The following SEMA4F variants were observed in gnomAD, a reference collection of about 807,000 sequenced individuals.
SEMA4F encodes the protein ssemaphorin 4F, also known as semaphorin-4F.
In SEMA4F, 51 loss-of-function variants were observed where a neutral mutation model predicts 78.4. The ratio of observed to expected loss-of-function variants is 0.65; its 90% CI spans 0.52 to 0.82. SEMA4F has a LOEUF of 0.82. SEMA4F is among the 40% of genes least tolerant of loss of function. The pLI, the probability that SEMA4F is intolerant of heterozygous loss-of-function variation, is 0.00. For missense variants in SEMA4F, 938 were observed against 1,014.4 expected, an observed-to-expected ratio of 0.92 and a Z score of 1.02; for synonymous variants, 418 against 408.7, an observed-to-expected ratio of 1.02 and a Z score of -0.27.
At chr2:74,666,978 A>G (rs1056835347) in intron 5 of SEMA4F, among the ~76,000 whole-genome samples, 4 of 152,180 alleles carry the variant, frequency 2.6e-5, no homozygotes, top group African/African-American at 9.7e-5. Context: ...AGTAACCACT[A>G]TTATTATTTT....
chr2:74,708,089 T>C, the SEMA4F span, among the ~76,000 whole-genome samples: 1 of 151,890 alleles, frequency 6.6e-6, no homozygotes, highest in African/African-American at 2.4e-5. Flanking sequence ...GCCTCAGAAG[T>C]GGGCAATAAA....
chr2:74,677,070 T>G (rs1372775163), intron 12 of SEMA4F, among the ~76,000 whole-genome samples: 2 of 152,048 alleles, frequency 1.3e-5, no homozygotes, highest in African/African-American at 4.8e-5. Context: ...CCCGGCTGAT[T>G]TTTGTATTTT....
chr2:74,656,889 A>G (rs1458221911), intron 2 of SEMA4F, among the ~76,000 whole-genome samples: 2 of 151,742 alleles, frequency 1.3e-5, no homozygotes, highest in African/African-American at 2.4e-5. Flanking sequence ...ACTGGGGAGG[A>G]TATGAAGGAG....
At chr2:74,706,627 CGTG>C in the SEMA4F span, among the ~76,000 whole-genome samples, 1 of 152,100 alleles carries the variant, frequency 6.6e-6, no homozygotes, top group South Asian at 2.1e-4. Flanking sequence ...CTGGAGTAGA[CGTG>C]GGGAAGTTTC....
rs1363385772 is a variant in SEMA4F, at chr2:74,675,186, C to A, written c.1174C>A (p.Arg392=). The A allele has an allele frequency of 3.7e-6, 6 of 1,614,138 alleles. No homozygotes were observed. Among genetic ancestry groups the A allele is most frequent in the African/African-American group, 1.3e-5 (1 of 75,020 alleles). The part of the protein sequence containing the change: ...GECITNNMKL[R]HFGSSLSLPD... ...GTGCATCACCAACAACATGAAGCTC[C>A]GGCACTTTGGCTCATCTCTCTCCCT... Residue 392 remains arginine (R), a synonymous_variant, in exon 10 of 14, where the codon CGG becomes AGG. Coordinates refer to ENST00000357877, the MANE Select transcript of SEMA4F (RefSeq NM_004263.5).
the SEMA4F span, among the ~76,000 whole-genome samples, chr2:74,689,723 A>G: frequency 6.6e-6 from 1 of 152,222 alleles, no homozygotes; most frequent in African/African-American, 2.4e-5. Context: ...TTCCTGACAG[A>G]CAGGAGCTGG....
chr2:74,694,808 A>G, the SEMA4F span, among the ~76,000 whole-genome samples: 1 of 152,250 alleles, frequency 6.6e-6, no homozygotes, highest in Admixed American at 6.5e-5. Context: ...ATGCTGGACA[A>G]GCTGAAGCTT....
At chr2:74,679,232 G>A (rs1361940788) in intron 12 of SEMA4F, 44 bp from the exon 13 acceptor site, 1 of 1,431,082 alleles carries the variant, frequency 7.0e-7, no homozygotes, top group South Asian at 1.1e-5. Context: ...GGGGGTTGAA[G>A]GGAATGTTCA....
At chr2:74,684,936 C>T (rs544166435), downstream of SEMA4F, among the ~76,000 whole-genome samples, 9 of 152,382 alleles carry the variant, frequency 5.9e-5, no homozygotes, top group Non-Finnish European at 1.2e-4. Flanking sequence ...CGTGCCACTG[C>T]ACTCCAGCAT....
At position 74,673,714 on chromosome 2, in the gene SEMA4F, C is replaced by T. The variant is rs769408230; in HGVS notation, c.708C>T (p.Ala236=). 19 of 1,613,926 alleles carry T rather than the reference C, an allele frequency of 1.2e-5. No homozygotes were observed. In the Admixed American group the frequency reaches 1.3e-4, roughly 11 times the overall value. Residue 236 remains alanine, a synonymous_variant, in exon 7 of 14, where the codon GCC becomes GCT. Transcript: ENST00000357877. The part of the protein sequence containing the change: ...AFVAAVALSP[A]EWGDEDGDDE... ...TCGCAGCCGTGGCCTTGAGCCCAGCCGAATGGGGGGATGAAGATGGAGACG... is the reference window on the plus strand; with the variant it reads ...TCGCAGCCGTGGCCTTGAGCCCAGCTGAATGGGGGGATGAAGATGGAGACG...
downstream of SEMA4F, among the ~76,000 whole-genome samples, chr2:74,686,728 A>G (rs559109789): frequency 3.9e-5 from 6 of 152,208 alleles, no homozygotes; most frequent in South Asian, 1.0e-3. Context: ...TCCTTTGCAG[A>G]GATCTGGATG....
chr2:74,663,658 G>A (rs531523667), intron 5 of SEMA4F, among the ~76,000 whole-genome samples: 1 of 152,222 alleles, frequency 6.6e-6, no homozygotes, highest in African/African-American at 2.4e-5. Context: ...GAGAGAGGGA[G>A]GAGGTGCTTT....
Position 74,675,908 on chromosome 2 carries a change from G to T in SEMA4F, c.1642G>T (p.Gly548Trp), listed in dbSNP as rs751789392. The change falls in exon 12 of 14, where the codon GGG becomes TGG. Residue 548 changes from glycine (G) to tryptophan (W), a missense_variant and splice_region_variant. Transcript: ENST00000357877. ...ECVAHAGEHR[G>W]LVQDIESADV... ...TGTGGCCCATGCCGGGGAGCACCGA[G>T]GGTGAGTGTAGCTGCCTGGATTTCT... The T allele has an allele frequency of 5.6e-6, 9 of 1,610,236 alleles. No individual in the cohort carries two copies. The South Asian group carries it at 9.9e-5, about 18-fold the overall frequency.
the SEMA4F span, among the ~76,000 whole-genome samples, chr2:74,708,904 C>A: frequency 6.6e-6 from 1 of 152,000 alleles, no homozygotes; most frequent in Non-Finnish European, 1.5e-5. Flanking sequence ...GGTGGTTCAC[C>A]CCATTAATAC....
chr2:74,688,714 A>G (rs1018747710), downstream of SEMA4F, among the ~76,000 whole-genome samples: 1 of 152,234 alleles, frequency 6.6e-6, no homozygotes, highest in Non-Finnish European at 1.5e-5. Context: ...TGGGAAATTT[A>G]CTCAAAATTT....
At position 74,679,845 on chromosome 2, in the gene SEMA4F, G is replaced by A. The variant is rs138175347; in HGVS notation, c.1949G>A (p.Arg650Gln). 2.5e-6 allele frequency: 4 copies of A among 1,614,192 alleles called. No homozygotes were observed. Among genetic ancestry groups the A allele is most frequent in the Admixed American group, 3.3e-5 (2 of 60,034 alleles). ...AAYSLVWGSQRDAPSRAHTVG... is the reference protein window; with the variant it reads ...AAYSLVWGSQQDAPSRAHTVG... Reference sequence around the variant, plus strand: ...TACAGCTTGGTATGGGGCAGCCAGCGAGATGCTCCGAGCCGGGCCCACACA... The same window carrying A: ...TACAGCTTGGTATGGGGCAGCCAGCAAGATGCTCCGAGCCGGGCCCACACA... The change falls in exon 14 of 14, where the codon CGA (arginine) becomes CAA (glutamine). Residue 650 changes from arginine to glutamine, a missense_variant. Coordinates refer to ENST00000357877, the MANE Select transcript of SEMA4F (RefSeq NM_004263.5).
intron 3 of SEMA4F, 107 bp from the exon 4 acceptor site, chr2:74,657,746 T>A: frequency 7.3e-7 from 1 of 1,362,176 alleles, no homozygotes; most frequent in Non-Finnish European, 1.1e-6. Flanking sequence ...CACCATGCCA[T>A]CACCCATCAT....
chr2:74,678,257 G>A (rs1314449736), intron 12 of SEMA4F, among the ~76,000 whole-genome samples: 2 of 152,152 alleles, frequency 1.3e-5, no homozygotes, highest in African/African-American at 2.4e-5. Flanking sequence ...GGAGGGGGGT[G>A]GTGGGGAGTG....
At chr2:74,685,783 A>G (rs560335914), downstream of SEMA4F, among the ~76,000 whole-genome samples, 1 of 152,316 alleles carries the variant, frequency 6.6e-6, no homozygotes, top group South Asian at 2.1e-4. Flanking sequence ...AAAACTAAAT[A>G]AGATCGGAGA....
Sources: allele counts gnomAD v4.1 joint callset (sites outside exome capture counted in the v4.1 genomes callset), GRCh38; gene constraint gnomAD v4.1.1; transcripts MANE v1.5; gene names NCBI Gene and HGNC (gene_info 2026-07-23, HGNC 2026-07-21).